The following TP53BP2 variants were observed in gnomAD, a reference collection of about 807,000 sequenced individuals.
TP53BP2 encodes apoptosis-stimulating of p53 protein 2.
Under a neutral mutation model 126.2 loss-of-function variants are expected in TP53BP2, and 62 were observed. The observed-to-expected ratio is 0.49, with a 90% CI of 0.40 to 0.61. The LOEUF (loss-of-function observed/expected upper bound fraction) is 0.61. Ranked by LOEUF, TP53BP2 falls within the 20% of genes least tolerant of loss-of-function variation. The pLI is 0.00. For missense variants in TP53BP2, 1,215 were observed against 1,402.8 expected, an observed-to-expected ratio of 0.87 and a Z score of 2.14; for synonymous variants, 485 against 502.9, an observed-to-expected ratio of 0.96 and a Z score of 0.48.
At position 223,806,782 on chromosome 1, in the gene TP53BP2, C is replaced by T; in HGVS notation, c.474+64G>A. On this transcript the variant is annotated intron_variant, in intron 5 of 17. Transcript: ENST00000343537. ...GAGGTTGCAGTGAGCCAAGATCGTG[C>T]CACTGCACTCCAGCCTAGGCGACAG... 7 of 1,303,982 alleles carry T rather than the reference C, an allele frequency of 5.4e-6. 1 individual carries two copies. The South Asian group carries it at 8.6e-5, about 16-fold the overall frequency. 80.8% of individuals were successfully genotyped at this position (1,303,982 alleles called of 1,614,324 possible). A position where few individuals can be genotyped will look rare whatever the true frequency, so the allele number is the denominator to read the frequency against.
intron 1 of TP53BP2, 121 bp from the exon 2 acceptor site, chr1:223,821,488 T>C: frequency 1.5e-6 from 2 of 1,360,168 alleles, no homozygotes; most frequent in Non-Finnish European, 2.1e-6. Context: ...CAGAACAGTC[T>C]GGCTGTCACC....
intron 15 of TP53BP2, among the ~76,000 whole-genome samples, chr1:223,791,934 G>A (rs909399674): frequency 2.6e-5 from 4 of 151,976 alleles, no homozygotes; most frequent in Admixed American, 6.6e-5. Flanking sequence ...TGCGTTTTAC[G>A]TACACCCTGG....
chr1:223,791,276 A>G (rs557460055), intron 15 of TP53BP2, among the ~76,000 whole-genome samples: 1 of 150,948 alleles, frequency 6.6e-6, no homozygotes, highest in African/African-American at 2.5e-5. Context: ...AAATAAAAAT[A>G]AAAATAAAAA....
intron 1 of TP53BP2, 27 bp from the exon 2 acceptor site, chr1:223,821,394 T>C: frequency 6.2e-7 from 1 of 1,613,704 alleles, no homozygotes; most frequent in Non-Finnish European, 8.5e-7. Flanking sequence ...AAACACATGG[T>C]TACTGGTACT....
chr1:223,845,761 G>T lies in TP53BP2; in HGVS notation c.-81C>A. 1 of 1,380,058 alleles carries T rather than the reference G, an allele frequency of 7.2e-7. No homozygotes were observed. The allele number at this position is 1,380,058 out of a possible 1,614,324, so 85.5% of individuals were successfully genotyped here. A position where few individuals can be genotyped will look rare whatever the true frequency, so the allele number is the denominator to read the frequency against. ...CGGATGCGGGGGAGGGGAGCGGAGA[G>T]CGAGGCCGCCCGGACCTGTTGCGAG... On this transcript the variant is annotated 5_prime_UTR_variant, in exon 1 of 18. Coordinates refer to ENST00000343537, the MANE Select transcript of TP53BP2 (RefSeq NM_001031685.3).
At position 223,837,553 on chromosome 1, in the gene TP53BP2, G is replaced by A. The variant is rs954601015; in HGVS notation, c.27+8101C>T. On this transcript the variant is annotated intron_variant, in intron 1 of 17. Coordinates refer to ENST00000343537, the MANE Select transcript of TP53BP2 (RefSeq NM_001031685.3). Reference sequence around the variant, plus strand: ...TCACTAAAACAATTTATTAGAGCAAGTGACAAACTCTTGAGTGCCTTCACA... The same window carrying A: ...TCACTAAAACAATTTATTAGAGCAAATGACAAACTCTTGAGTGCCTTCACA... Among the ~76,000 whole-genome samples, 7 of 152,254 alleles carry A rather than the reference G, an allele frequency of 4.6e-5. No homozygotes were observed. In the South Asian group the frequency reaches 1.4e-3, roughly 32 times the overall value.
At chr1:223,817,103 C>T (rs2102868612) in intron 2 of TP53BP2, among the ~76,000 whole-genome samples, 1 of 150,672 alleles carries the variant, frequency 6.6e-6, no homozygotes, top group South Asian at 2.1e-4. Flanking sequence ...AAGGCTGCAG[C>T]AAGCCAAGAC....
In TP53BP2 at chr1:223,810,482, T is replaced by C. The variant is rs1662873966; in HGVS notation, c.321A>G (p.Leu107=). Residue 107 remains leucine (L), a synonymous_variant, in exon 4 of 18, where the codon TTA becomes TTG. Coordinates refer to ENST00000343537, the MANE Select transcript of TP53BP2 (RefSeq NM_001031685.3). ...CAGGAACTTTTACACCATTTCTTTT[T>C]AAACTTGGATCCTGAGATCTTGGTC... The part of the protein sequence containing the change: ...VSGPRSQDPS[L]KRNGVKVPGE... 4 of 1,608,906 alleles carry C rather than the reference T, an allele frequency of 2.5e-6. No individual in the cohort carries two copies. The highest frequency in any genetic ancestry group is 2.7e-5 in the African/African-American group (2 of 74,990).
intron 3 of TP53BP2, among the ~76,000 whole-genome samples, chr1:223,813,718 T>C (rs1662991865): frequency 6.6e-6 from 1 of 152,148 alleles, no homozygotes; most frequent in South Asian, 2.1e-4. Context: ...GTCTCTAATC[T>C]CAACTGGCCT....
intron 15 of TP53BP2, among the ~76,000 whole-genome samples, chr1:223,791,359 G>C (rs1281864560): frequency 6.6e-6 from 1 of 152,124 alleles, no homozygotes; most frequent in East Asian, 1.9e-4. Context: ...ACACTGTGGG[G>C]ATACAGATGG....
chr1:223,802,230 A>G lies in TP53BP2; in HGVS notation c.1111T>C (p.Leu371=), dbSNP rs913925273. ...TMPRMPSRPE[L]LVKPALPDGS... ...TCCGGCAGGGCTGGCTTCACCAGCA[A>G]TTCAGGCCTTGAGGGCATCCGAGGC... The change falls in exon 9 of 18, where the codon TTG becomes CTG. Residue 371 remains leucine, a synonymous_variant. Transcript: ENST00000343537. The G allele has an allele frequency of 2.5e-6, 4 of 1,614,084 alleles. No individual in the cohort carries two copies. In the African/African-American group the frequency reaches 4.0e-5, roughly 16 times the overall value.
chr1:223,826,874 A>T (rs1397508567), intron 1 of TP53BP2, among the ~76,000 whole-genome samples: 1 of 152,178 alleles, frequency 6.6e-6, no homozygotes, highest in African/African-American at 2.4e-5. Flanking sequence ...AATTAATAGC[A>T]AAGGTGGTGA....
At chr1:223,813,552 C>G (rs928685751) in intron 3 of TP53BP2, among the ~76,000 whole-genome samples, 3 of 151,764 alleles carry the variant, frequency 2.0e-5, no homozygotes, top group Admixed American at 6.6e-5. Context: ...CTCTTCTCCC[C>G]TGTCCCACTG....
intron 2 of TP53BP2, among the ~76,000 whole-genome samples, chr1:223,814,995 C>T (rs549979920): frequency 6.6e-6 from 1 of 152,228 alleles, no homozygotes; most frequent in East Asian, 1.9e-4. Flanking sequence ...ATAGAAGCTT[C>T]AGGAGAAACA....
At chr1:223,792,585 C>T in intron 14 of TP53BP2, 63 bp from the exon 15 acceptor site, 1 of 1,578,872 alleles carries the variant, frequency 6.3e-7, no homozygotes, top group Non-Finnish European at 8.7e-7. Context: ...TCACTACTAA[C>T]TGGCTCCTTT....
intron 2 of TP53BP2, among the ~76,000 whole-genome samples, chr1:223,819,415 G>A (rs1453165830): frequency 1.3e-5 from 2 of 151,218 alleles, no homozygotes; most frequent in African/African-American, 2.4e-5. Flanking sequence ...GGCCAGGCGC[G>A]GTGGCTCACA....
chr1:223,832,362 T>G (rs755327074), intron 1 of TP53BP2, among the ~76,000 whole-genome samples: 21 of 152,224 alleles, frequency 1.4e-4, no homozygotes, highest in Non-Finnish European at 5.9e-5. Context: ...AGCCAGGCGA[T>G]TATGCTTGTA....
chr1:223,792,304 T>C, intron 15 of TP53BP2, 85 bp downstream of exon 15: 13 of 1,458,784 alleles, frequency 8.9e-6, no homozygotes, highest in Non-Finnish European at 1.1e-5. Context: ...GACATACTTC[T>C]TTGTCTTCCA....
chr1:223,802,125 G>C lies in TP53BP2; in HGVS notation c.1216C>G (p.Gln406Glu). The C allele has an allele frequency of 1.2e-6, 2 of 1,614,112 alleles. No individual in the cohort carries two copies. Among genetic ancestry groups the C allele is most frequent in the East Asian group, 4.5e-5 (2 of 44,886 alleles). Residue 406 changes from glutamine (Q) to glutamate (E), a missense_variant, in exon 9 of 18, where the codon CAA becomes GAA. Transcript: ENST00000343537. ...GTGCAGGACTTTTTACCTTTAGTTT[G>C]TGAAGCAGCCCCAGATCTCATGTTG... ...LPNMRSGAAS[Q>E]TKGSKIHPVG...
Sources: allele counts gnomAD v4.1 joint callset (sites outside exome capture counted in the v4.1 genomes callset), GRCh38; gene constraint gnomAD v4.1.1; transcripts MANE v1.5; gene names NCBI Gene and HGNC (gene_info 2026-07-23, HGNC 2026-07-21).